The following TTC7B variants were observed in gnomAD, a reference collection of about 807,000 sequenced individuals.
TTC7B encodes tetratricopeptide repeat protein 7B.
TTC7B carries 28 observed loss-of-function variants against 106.8 expected under a neutral mutation model. That is an observed-to-expected ratio of 0.26 (90% CI 0.19 to 0.36). The LOEUF (loss-of-function observed/expected upper bound fraction) is 0.36. Ranked by LOEUF, TTC7B falls within the 10% of genes least tolerant of loss-of-function variation. The pLI is 1.00. For synonymous variants in TTC7B, 405 were observed against 430.6 expected (o/e 0.94, Z 0.74); for missense variants, 862 against 1,076.4 (o/e 0.80, Z 2.79).
Position 90,673,893 on chromosome 14 carries a change from G to T in TTC7B, c.1152+2630C>A, listed in dbSNP as rs1886723953. On this transcript the variant is annotated intron_variant, in intron 9 of 19. Coordinates refer to ENST00000328459, the MANE Select transcript of TTC7B (RefSeq NM_001010854.2). ...GAAATACCCCAAATCAGTATCCATA[G>T]AAAAAAAAAGCAGATTAATAGTTGA... 3.3e-5 allele frequency among the ~76,000 whole-genome samples: 5 copies of T among 151,000 alleles called. No homozygotes were observed. The South Asian group carries it at 1.0e-3, about 32-fold the overall frequency.
At chr14:90,689,406 A>T (rs1021638357) in intron 7 of TTC7B, 134 bp downstream of exon 7, 29 of 766,852 alleles carry the variant, frequency 3.8e-5, no homozygotes, top group Non-Finnish European at 5.0e-5. Flanking sequence ...TCTCTACTAA[A>T]CTGGAAAATG....
chr14:90,655,518 G>C (rs931163265), intron 11 of TTC7B, among the ~76,000 whole-genome samples: 2 of 152,238 alleles, frequency 1.3e-5, no homozygotes, highest in Admixed American at 6.5e-5. Context: ...CCCCTACCCA[G>C]GATATAAAGA....
At chr14:90,753,284 G>A (rs931138848) in intron 3 of TTC7B, among the ~76,000 whole-genome samples, 1 of 152,204 alleles carries the variant, frequency 6.6e-6, no homozygotes, top group African/African-American at 2.4e-5. Flanking sequence ...TGACCCACAG[G>A]GGTGTTTATA....
intron 1 of TTC7B, among the ~76,000 whole-genome samples, chr14:90,789,625 G>A (rs965480935): frequency 3.1e-4 from 38 of 123,282 alleles, no homozygotes; most frequent in African/African-American, 9.8e-4. Flanking sequence ...AGCCGGGCGC[G>A]TGGCTCACAG....
intron 6 of TTC7B, among the ~76,000 whole-genome samples, chr14:90,693,471 T>A (rs1396728888): frequency 2.0e-5 from 3 of 152,218 alleles, no homozygotes; most frequent in Admixed American, 6.5e-5. Flanking sequence ...ATCTGCCTTA[T>A]TCTGTCTGGG....
intron 3 of TTC7B, among the ~76,000 whole-genome samples, chr14:90,756,890 T>C (rs533913279): frequency 6.6e-6 from 1 of 152,248 alleles, no homozygotes; most frequent in South Asian, 2.1e-4. Flanking sequence ...CAACATTAAA[T>C]ATGAATATGG....
At chr14:90,613,466 G>A (rs1223298043) in intron 16 of TTC7B, among the ~76,000 whole-genome samples, 1 of 152,168 alleles carries the variant, frequency 6.6e-6, no homozygotes, top group Non-Finnish European at 1.5e-5. Context: ...GCAATTTTTA[G>A]TTCTTCATTT....
intron 19 of TTC7B, among the ~76,000 whole-genome samples, chr14:90,568,159 G>T (rs868325456): frequency 6.6e-6 from 1 of 152,196 alleles, no homozygotes; most frequent in South Asian, 2.1e-4. Flanking sequence ...GCGGTGTGGG[G>T]GATGGGGGTG....
At chr14:90,806,856 G>A (rs897302440) in intron 1 of TTC7B, among the ~76,000 whole-genome samples, 3 of 152,088 alleles carry the variant, frequency 2.0e-5, no homozygotes, top group Non-Finnish European at 2.9e-5. Context: ...GCACTGAGCC[G>A]TGATCACACC....
At position 90,533,180 on chromosome 14, in the gene TTC7B, C is replaced by T. The variant is rs1401110132; in HGVS notation, c.*8188G>A. On this transcript the variant is annotated 3_prime_UTR_variant, in exon 20 of 20. Coordinates refer to ENST00000328459, the MANE Select transcript of TTC7B (RefSeq NM_001010854.2). ...CTTGGGCCACAGGCACCGCCTCAGGCAGTGGCGGATGGGAGCCTCCTGTGC... is the reference window on the plus strand; with the variant it reads ...CTTGGGCCACAGGCACCGCCTCAGGTAGTGGCGGATGGGAGCCTCCTGTGC... 1 of 152,332 alleles carries T rather than the reference C, an allele frequency of 6.6e-6. No homozygotes were observed. Among genetic ancestry groups the T allele is most frequent in the Non-Finnish European group, 1.5e-5 (1 of 68,136 alleles). 9.4% of individuals were successfully genotyped at this position (152,332 alleles called of 1,614,324 possible). A position where few individuals can be genotyped will look rare whatever the true frequency, so the allele number is the denominator to read the frequency against.
chr14:90,526,408 C>T lies in TTC7B; in HGVS notation c.*14960G>A, dbSNP rs1181558601. 2 of 152,174 alleles carry T rather than the reference C, an allele frequency of 1.3e-5. No homozygotes were observed. The highest frequency in any genetic ancestry group is 2.9e-5 in the Non-Finnish European group (2 of 68,042). 9.4% of individuals were successfully genotyped at this position (152,174 alleles called of 1,614,324 possible). A position where few individuals can be genotyped will look rare whatever the true frequency, so the allele number is the denominator to read the frequency against. On this transcript the variant is annotated 3_prime_UTR_variant, in exon 20 of 20. Transcript: ENST00000328459. ...GATAACACAGGGAATTCCCATTTAC[C>T]CTTCACTCAATTTCCCCTAATATAA...
rs1891312278 is a variant in TTC7B at position 90,577,650 on chromosome 14, G to A, written c.2310+456C>T. Among the ~76,000 whole-genome samples, 1 of 152,214 alleles carries A rather than the reference G, an allele frequency of 6.6e-6. No homozygotes were observed. The highest frequency in any genetic ancestry group is 1.5e-5 in the Non-Finnish European group (1 of 68,038). On this transcript the variant is annotated intron_variant, in intron 19 of 19. Coordinates refer to ENST00000328459, the MANE Select transcript of TTC7B (RefSeq NM_001010854.2). This position sits in a 1 kb window ranked among gnomAD's most constrained non-coding sequence, Gnocchi z 5.0. Reference sequence around the variant, plus strand: ...CAGCCAATGGCCTCAGAGACATGCTGGAGTCTCAGGCTCCCTTAAGGCAAG... The same window carrying A: ...CAGCCAATGGCCTCAGAGACATGCTAGAGTCTCAGGCTCCCTTAAGGCAAG...
At chr14:90,560,792 G>C (rs948672682) in intron 19 of TTC7B, among the ~76,000 whole-genome samples, 3 of 152,374 alleles carry the variant, frequency 2.0e-5, no homozygotes, top group Admixed American at 1.3e-4. Flanking sequence ...GTGGCAGTAA[G>C]GGTAGCTGGT....
chr14:90,659,433 A>G (rs1886095616), intron 9 of TTC7B, among the ~76,000 whole-genome samples: 1 of 152,210 alleles, frequency 6.6e-6, no homozygotes, highest in Non-Finnish European at 1.5e-5. Flanking sequence ...CTAACAGAAG[A>G]CAAACATTTG....
rs1667127360 is a variant in TTC7B at position 90,575,613 on chromosome 14, G to A, written c.2310+2493C>T. On this transcript the variant is annotated intron_variant, in intron 19 of 19. Coordinates refer to ENST00000328459, the MANE Select transcript of TTC7B (RefSeq NM_001010854.2). This position sits in a 1 kb window ranked among gnomAD's most constrained non-coding sequence, Gnocchi z 5.2. Reference sequence around the variant, plus strand: ...GAGGGGGGCCTGCCCTTGGCTGCATGGGGCTCCCCCTGGCTGTGGGCTGGG... The same window carrying A: ...GAGGGGGGCCTGCCCTTGGCTGCATAGGGCTCCCCCTGGCTGTGGGCTGGG... Among the ~76,000 whole-genome samples the A allele has an allele frequency of 6.6e-6, 1 of 152,204 alleles. No individual in the cohort carries two copies. The highest frequency in any genetic ancestry group is 1.5e-5 in the Non-Finnish European group (1 of 68,030).
In TTC7B at chr14:90,535,802, A is replaced by C. The variant is rs1889405603; in HGVS notation, c.*5566T>G. The C allele has an allele frequency of 6.6e-6, 1 of 152,308 alleles. No individual in the cohort carries two copies. Among genetic ancestry groups the C allele is most frequent in the Non-Finnish European group, 1.5e-5 (1 of 68,116 alleles). 9.4% of individuals were successfully genotyped at this position (152,308 alleles called of 1,614,324 possible). A position where few individuals can be genotyped will look rare whatever the true frequency, so the allele number is the denominator to read the frequency against. On this transcript the variant is annotated 3_prime_UTR_variant, in exon 20 of 20. Transcript: ENST00000328459. ...ACAGTCCTGGAGGTTCAAAGAACAA[A>C]GCAAAGGTTCCAGCCCATCTGGGTT...
intron 9 of TTC7B, chr14:90,675,138 C>T (rs1346504100): frequency 2.6e-5 from 4 of 152,628 alleles, no homozygotes; most frequent in Non-Finnish European, 4.4e-5. Flanking sequence ...CAGGGCCAGA[C>T]ACCTCAAGCT....
intron 19 of TTC7B, among the ~76,000 whole-genome samples, chr14:90,573,995 C>T (rs796207722): frequency 1.3e-5 from 2 of 152,184 alleles, no homozygotes; most frequent in African/African-American, 4.8e-5. Flanking sequence ...CCCAGGCTGA[C>T]GTTATCAGAG....
intron 12 of TTC7B, among the ~76,000 whole-genome samples, chr14:90,653,158 C>A (rs1566819699): frequency 6.6e-6 from 1 of 152,136 alleles, no homozygotes; most frequent in Non-Finnish European, 1.5e-5. Context: ...CTTGGTACTC[C>A]CAGGCATATG....
Sources: allele counts gnomAD v4.1 joint callset (sites outside exome capture counted in the v4.1 genomes callset), GRCh38; gene constraint gnomAD v4.1.1; non-coding constraint Gnocchi (gnomAD v3.1); transcripts MANE v1.5; gene names NCBI Gene and HGNC (gene_info 2026-07-23, HGNC 2026-07-21).